The following CNTN5 variants were observed in gnomAD, a reference collection of about 807,000 sequenced individuals.
CNTN5 encodes the protein contactin 5, also known as contactin-5.
CNTN5 carries 77 observed loss-of-function variants against 129.1 expected under a neutral mutation model. That is an observed-to-expected ratio of 0.60 (90% CI 0.50 to 0.72). CNTN5 has a LOEUF of 0.72. Ranked by LOEUF, CNTN5 falls within the 30% of genes least tolerant of loss-of-function variation. The probability of loss-of-function intolerance (pLI) is 0.00; values close to 1 mark genes in which losing one functional copy is unlikely to be tolerated. For missense variants in CNTN5, 1,478 were observed against 1,328.8 expected (o/e 1.11, Z -1.75); for synonymous variants, 509 against 465.6 (o/e 1.09, Z -1.20).
intron 3 of CNTN5, among the ~76,000 whole-genome samples, chr11:99,749,012 T>C (rs890640128): frequency 6.6e-6 from 1 of 152,228 alleles, no homozygotes; most frequent in Admixed American, 6.5e-5. Flanking sequence ...TTCTTCATAA[T>C]TCAGTCTTTC....
intron 3 of CNTN5, among the ~76,000 whole-genome samples, chr11:99,716,842 T>G (rs1466838104): frequency 6.6e-6 from 1 of 152,104 alleles, no homozygotes; most frequent in Non-Finnish European, 1.5e-5. Context: ...TTCAACAGTG[T>G]TTTAAAACGA....
chr11:99,335,590 C>T (rs2136039084), intron 2 of CNTN5, among the ~76,000 whole-genome samples: 1 of 152,108 alleles, frequency 6.6e-6, no homozygotes, highest in African/African-American at 2.4e-5. Flanking sequence ...TCCACACATG[C>T]AAGTATATGG....
rs1261565161 is a variant in CNTN5, at chr11:99,061,768, G to A, written c.-210+40498G>A. 2.0e-5 allele frequency among the ~76,000 whole-genome samples: 3 copies of A among 152,036 alleles called. No homozygotes were observed. The East Asian group carries it at 5.8e-4, about 29-fold the overall frequency. On this transcript the variant is annotated intron_variant, in intron 1 of 24. Transcript: ENST00000524871. ...GCACTTTGGGAGACTGAGGCTAGAGGACTGCTTGAAGCTAAGAGTTTGAGA... is the reference window on the plus strand; with the variant it reads ...GCACTTTGGGAGACTGAGGCTAGAGAACTGCTTGAAGCTAAGAGTTTGAGA...
intron 13 of CNTN5, among the ~76,000 whole-genome samples, chr11:100,091,748 T>C (rs10894430): frequency 0.33 from 50,632 of 151,876 alleles, 8,582 homozygotes; most frequent in South Asian, 0.45. Flanking sequence ...TTTTTATTTG[T>C]CTCACTAACT....
rs1948726625 is a variant in CNTN5 at position 99,879,841 on chromosome 11, G to A, written c.577+34579G>A. ...CGAGAGTGTGTGGAAACTGGGATTT[G>A]ACTTTAGTAGGTCTAGCAAGAAGTC... On this transcript the variant is annotated intron_variant, in intron 6 of 24. Coordinates refer to ENST00000524871, the MANE Select transcript of CNTN5 (RefSeq NM_014361.4). Among the ~76,000 whole-genome samples, 4 of 152,290 alleles carry A rather than the reference G, an allele frequency of 2.6e-5. No homozygotes were observed. The South Asian group carries it at 8.3e-4, about 32-fold the overall frequency.
chr11:99,294,932 G>A (rs1864319173), intron 1 of CNTN5, among the ~76,000 whole-genome samples: 1 of 152,112 alleles, frequency 6.6e-6, no homozygotes, highest in African/African-American at 2.4e-5. Context: ...ATGAGATTGT[G>A]ACCGTAACTT....
chr11:99,298,308 A>C (rs963625807), intron 1 of CNTN5, among the ~76,000 whole-genome samples: 1 of 152,216 alleles, frequency 6.6e-6, no homozygotes, highest in Non-Finnish European at 1.5e-5. Flanking sequence ...TTTATAGACA[A>C]AAAAGGTAAA....
chr11:99,178,201 C>T (rs1857871465), intron 1 of CNTN5, among the ~76,000 whole-genome samples: 1 of 151,978 alleles, frequency 6.6e-6, no homozygotes, highest in Non-Finnish European at 1.5e-5. Context: ...CAACTCTAGG[C>T]TGGGCACCAT....
At chr11:99,686,327 C>A (rs540933355) in intron 3 of CNTN5, among the ~76,000 whole-genome samples, 54 of 151,958 alleles carry the variant, frequency 3.6e-4, no homozygotes, top group African/African-American at 1.3e-3. Context: ...GTTGATGAAT[C>A]TTCTTTTTTT....
At chr11:99,718,333 C>A (rs902696940) in intron 3 of CNTN5, among the ~76,000 whole-genome samples, 1 of 152,054 alleles carries the variant, frequency 6.6e-6, no homozygotes, top group South Asian at 2.1e-4. Flanking sequence ...CTAACTTGTT[C>A]ATAATATATA....
intron 13 of CNTN5, among the ~76,000 whole-genome samples, chr11:100,161,170 A>C (rs1323621513): frequency 6.6e-6 from 1 of 151,854 alleles, no homozygotes; most frequent in Admixed American, 6.6e-5. Context: ...AAACCAATAC[A>C]ATTTTCTTTA....
chr11:100,038,436 T>G (rs555195740), intron 9 of CNTN5, among the ~76,000 whole-genome samples: 1 of 152,342 alleles, frequency 6.6e-6, no homozygotes, highest in East Asian at 1.9e-4. Flanking sequence ...GAAAAGAATG[T>G]ATATTCTGTT....
chr11:99,614,749 T>C (rs964820727), intron 3 of CNTN5, among the ~76,000 whole-genome samples: 2 of 152,152 alleles, frequency 1.3e-5, no homozygotes, highest in African/African-American at 4.8e-5. Flanking sequence ...TGATGGAAAG[T>C]AACCCTATTT....
chr11:100,248,695 T>C (rs1473365528), intron 16 of CNTN5, among the ~76,000 whole-genome samples: 1 of 152,186 alleles, frequency 6.6e-6, no homozygotes, highest in Non-Finnish European at 1.5e-5. Flanking sequence ...ACAGAAAATA[T>C]GATGTTATCT....
chr11:99,354,435 G>T (rs1270514172), intron 2 of CNTN5, among the ~76,000 whole-genome samples: 1 of 152,114 alleles, frequency 6.6e-6, no homozygotes, highest in African/African-American at 2.4e-5. Flanking sequence ...TTTAAGTCCA[G>T]CTGAAACTGG....
intron 18 of CNTN5, among the ~76,000 whole-genome samples, chr11:100,277,916 G>A (rs1174754959): frequency 6.6e-6 from 1 of 152,024 alleles, no homozygotes; most frequent in Non-Finnish European, 1.5e-5. Context: ...TTTCCCCAAT[G>A]TTTTCCTGTA....
intron 21 of CNTN5, chr11:100,309,257 G>GA: frequency 1.0e-6 from 1 of 984,404 alleles, no homozygotes; most frequent in Non-Finnish European, 1.2e-6. Context: ...CCCATTAAGA[G>GA]AAAATCATCT....
At chr11:100,043,136 A>G (rs541905889) in intron 9 of CNTN5, among the ~76,000 whole-genome samples, 2 of 152,326 alleles carry the variant, frequency 1.3e-5, no homozygotes, top group African/African-American at 4.8e-5. Context: ...ATGCTCTCAA[A>G]TATTTTTTAA....
Position 99,033,314 on chromosome 11 carries a change from G to T in CNTN5, c.-210+12044G>T, listed in dbSNP as rs982044437. Among the ~76,000 whole-genome samples the T allele has an allele frequency of 1.5e-3, 231 of 152,196 alleles. 2 individuals are homozygous for T. Among genetic ancestry groups the T allele is most frequent in the African/African-American group, 4.5e-3 (185 of 41,540 alleles). ...TTCCAATTCTGTGAAGAAAGTCATT[G>T]GTAGCTTGATGGGAGTGGCATTGAA... is the stretch of plus-strand genomic sequence containing the variant. On this transcript the variant is annotated intron_variant, in intron 1 of 24. Coordinates refer to ENST00000524871, the MANE Select transcript of CNTN5 (RefSeq NM_014361.4).
Sources: allele counts gnomAD v4.1 joint callset (sites outside exome capture counted in the v4.1 genomes callset), GRCh38; gene constraint gnomAD v4.1.1; transcripts MANE v1.5; gene names NCBI Gene and HGNC (gene_info 2026-07-23, HGNC 2026-07-21).